The following DOCK3 variants were observed in gnomAD, a reference collection of about 807,000 sequenced individuals.
The protein encoded by DOCK3 is dedicator of cytokinesis 3.
In DOCK3, 60 loss-of-function variants were observed where a neutral mutation model predicts 265.6. That is an observed-to-expected ratio of 0.23 (90% CI 0.18 to 0.28). The LOEUF is 0.28. DOCK3 is among the 10% of genes least tolerant of loss of function. The pLI is 1.00. For synonymous variants in DOCK3, 881 were observed against 938.0 expected, an observed-to-expected ratio of 0.94 and a Z score of 1.11; for missense variants, 1,981 against 2,594.3, an observed-to-expected ratio of 0.76 and a Z score of 5.14.
chr3:50,704,575 T>C (rs777308830), intron 1 of DOCK3, among the ~76,000 whole-genome samples: 3 of 152,144 alleles, frequency 2.0e-5, no homozygotes, highest in Non-Finnish European at 4.4e-5. Flanking sequence ...ATCTCTTCAC[T>C]TTCAGTCTAT....
rs191113596 is a variant in DOCK3 at position 51,115,272 on chromosome 3, G to A, written c.746+24888G>A. On this transcript the variant is annotated intron_variant, in intron 9 of 52. Coordinates refer to ENST00000266037, the MANE Select transcript of DOCK3 (RefSeq NM_004947.5). ...TTACACTCCCACCAACAGTGCGAAA[G>A]CGTCCCTATCTTTCCACATCCTCTC... 2.0e-3 allele frequency among the ~76,000 whole-genome samples: 308 copies of A among 152,274 alleles called. 3 individuals carry two copies. The highest frequency in any genetic ancestry group is 6.8e-3 in the African/African-American group (282 of 41,552).
At chr3:50,825,492 G>A (rs1272756682) in intron 2 of DOCK3, among the ~76,000 whole-genome samples, 2 of 152,170 alleles carry the variant, frequency 1.3e-5, no homozygotes, top group African/African-American at 4.8e-5. Flanking sequence ...GGCCACTCTT[G>A]TCTCCTCCTG....
intron 14 of DOCK3, among the ~76,000 whole-genome samples, chr3:51,218,606 T>G (rs113671179): frequency 0.014 from 2,158 of 152,244 alleles, 61 homozygotes; most frequent in African/African-American, 0.048. Flanking sequence ...TTTGTCGTGG[T>G]TTTTTGGGAA....
At chr3:50,888,344 C>G (rs961356449) in intron 3 of DOCK3, among the ~76,000 whole-genome samples, 5 of 152,090 alleles carry the variant, frequency 3.3e-5, no homozygotes, top group Non-Finnish European at 5.9e-5. Flanking sequence ...CAAACCACTG[C>G]TCAAGGAAAT....
intron 3 of DOCK3, among the ~76,000 whole-genome samples, chr3:50,859,210 GTTTTTTTT>G (rs138539454): frequency 1.0e-3 from 71 of 69,268 alleles, no homozygotes; most frequent in Middle Eastern, 0.012. Flanking sequence ...AACTGGTATG[GTTTTTTTT>G]TTTTTTTTTT....
At chr3:50,996,519 T>C (rs1172197209) in intron 5 of DOCK3, among the ~76,000 whole-genome samples, 1 of 152,106 alleles carries the variant, frequency 6.6e-6, no homozygotes, top group Non-Finnish European at 1.5e-5. Context: ...GCCCGGCCTT[T>C]TCTTAACTAT....
intron 3 of DOCK3, among the ~76,000 whole-genome samples, chr3:50,860,378 T>A (rs1477540291): frequency 6.6e-6 from 1 of 152,174 alleles, no homozygotes; most frequent in East Asian, 1.9e-4. Flanking sequence ...TAGTTCTGGC[T>A]CTATAGTTGA....
chr3:50,879,039 G>T (rs1193758976), intron 3 of DOCK3, among the ~76,000 whole-genome samples: 1 of 152,152 alleles, frequency 6.6e-6, no homozygotes, highest in Non-Finnish European at 1.5e-5. Flanking sequence ...AGCTTCATAA[G>T]TGAAGGAGAA....
Position 51,356,950 on chromosome 3 carries a change from G to C in DOCK3, c.4504-12G>C, listed in dbSNP as rs1351267771. On this transcript the variant is annotated splice_polypyrimidine_tract_variant and intron_variant, in intron 43 of 52. Coordinates refer to ENST00000266037, the MANE Select transcript of DOCK3 (RefSeq NM_004947.5). ...CATTTCTGGGATGACTCTGTGTGCT[G>C]TGTGCCCCTAGGTGGAGGTGAGCCC... 1.2e-6 allele frequency: 2 copies of C among 1,607,808 alleles called. No individual in the cohort carries two copies. Among genetic ancestry groups the C allele is most frequent in the Non-Finnish European group, 1.7e-6 (2 of 1,176,888 alleles).
At chr3:51,001,663 A>C (rs2078488755) in intron 5 of DOCK3, among the ~76,000 whole-genome samples, 1 of 152,156 alleles carries the variant, frequency 6.6e-6, no homozygotes, top group Non-Finnish European at 1.5e-5. Context: ...CTCTTGGGTG[A>C]ATAGGAGTGG....
chr3:51,381,657 G>T lies in DOCK3; in HGVS notation c.*98G>T. On this transcript the variant is annotated 3_prime_UTR_variant, in exon 53 of 53. Transcript: ENST00000266037. The surrounding 1 kb of genome is among the most constrained non-coding windows in gnomAD (Gnocchi z 5.6). ...CCCCCAGCCCCACCCCAGGGAGCCA[G>T]AGAGGCTTGCACTCAGGAGAGAACC... 7.0e-7 allele frequency: 1 copy of T among 1,423,992 alleles called. No homozygotes were observed. Among genetic ancestry groups the T allele is most frequent in the Non-Finnish European group, 9.2e-7 (1 of 1,090,262 alleles). The allele number at this position is 1,423,992 out of a possible 1,614,324, so 88.2% of individuals were successfully genotyped here. A position where few individuals can be genotyped will look rare whatever the true frequency, so the allele number is the denominator to read the frequency against.
intron 23 of DOCK3, among the ~76,000 whole-genome samples, chr3:51,263,376 A>AT (rs1285841851): frequency 3.3e-5 from 5 of 152,194 alleles, no homozygotes; most frequent in African/African-American, 9.7e-5. Flanking sequence ...ATGCTGAGAG[A>AT]TTTTGTCACC....
At chr3:51,177,698 T>C (rs1261052902) in intron 12 of DOCK3, among the ~76,000 whole-genome samples, 3 of 151,982 alleles carry the variant, frequency 2.0e-5, no homozygotes, top group Admixed American at 2.0e-4. Context: ...ATATGTAAGA[T>C]ATAAATTCTT....
At position 51,369,721 on chromosome 3, in the gene DOCK3, A is replaced by G. The variant is rs1167201464; in HGVS notation, c.5294-4748A>G. Among the ~76,000 whole-genome samples, 3 of 151,828 alleles carry G rather than the reference A, an allele frequency of 2.0e-5. No homozygotes were observed. The East Asian group carries it at 5.8e-4, about 29-fold the overall frequency. ...AGTAGGAGTGACTGCTGTATGGCAC[A>G]GTGAAAAGATGCAGTGACCACCTGG... is the stretch of plus-strand genomic sequence containing the variant. On this transcript the variant is annotated intron_variant, in intron 49 of 52. Transcript: ENST00000266037.
chr3:51,366,302 T>C (rs926900236), intron 49 of DOCK3, among the ~76,000 whole-genome samples: 1 of 152,216 alleles, frequency 6.6e-6, no homozygotes, highest in African/African-American at 2.4e-5. Flanking sequence ...TCTCTGATGG[T>C]AGTTTGTATT....
chr3:51,365,421 G>A (rs2087072209), intron 49 of DOCK3, among the ~76,000 whole-genome samples: 1 of 152,222 alleles, frequency 6.6e-6, no homozygotes, highest in East Asian at 1.9e-4. Context: ...ATACAATCAT[G>A]TCATCTGCAA....
At chr3:51,345,737 G>C (rs1490839894) in intron 38 of DOCK3, among the ~76,000 whole-genome samples, 1 of 152,206 alleles carries the variant, frequency 6.6e-6, no homozygotes, top group East Asian at 1.9e-4. Context: ...TCCATATGGT[G>C]TTAATTTCTT....
intron 5 of DOCK3, among the ~76,000 whole-genome samples, chr3:51,036,809 G>A (rs1021599071): frequency 2.0e-5 from 3 of 152,098 alleles, no homozygotes; most frequent in African/African-American, 7.2e-5. Flanking sequence ...ATTGAATCAT[G>A]GGGTGGGTCT....
At chr3:51,122,941 A>T (rs895870890) in intron 9 of DOCK3, among the ~76,000 whole-genome samples, 1 of 152,226 alleles carries the variant, frequency 6.6e-6, no homozygotes, top group African/African-American at 2.4e-5. Context: ...GCTTCAGAGG[A>T]TACATAGATC....
Sources: gnomAD v4.1 joint callset for allele counts (sites outside exome capture counted in the v4.1 genomes callset) on GRCh38, gnomAD v4.1.1 for gene constraint, Gnocchi (gnomAD v3.1) non-coding constraint, MANE v1.5 for transcripts, NCBI Gene and HGNC (gene_info 2026-07-23, HGNC 2026-07-21) for gene names.